OXR1: variants seen among roughly 807,000 people sequenced by gnomAD.
OXR1 encodes oxidation resistance protein 1.
OXR1 carries 41 observed loss-of-function variants against 104.6 expected under a neutral mutation model. The ratio of observed to expected loss-of-function variants is 0.39; its 90% CI spans 0.31 to 0.51. The LOEUF is 0.51. OXR1 is among the 20% of genes least tolerant of loss of function. The pLI is 0.77. For missense variants in OXR1, 955 were observed against 1,031.9 expected, an observed-to-expected ratio of 0.93 and a Z score of 1.02; for synonymous variants, 348 against 348.4, an observed-to-expected ratio of 1.00 and a Z score of 0.01.
chr8:106,550,601 C>A (rs1815726966), intron 3 of OXR1, among the ~76,000 whole-genome samples: 1 of 152,108 alleles, frequency 6.6e-6, no homozygotes, highest in South Asian at 2.1e-4. Flanking sequence ...CCATGCTGTT[C>A]TCATGATAGT....
At chr8:106,406,361 A>G (rs1046071291) in intron 2 of OXR1, among the ~76,000 whole-genome samples, 1 of 152,166 alleles carries the variant, frequency 6.6e-6, no homozygotes, top group Non-Finnish European at 1.5e-5. Context: ...TCATATATAT[A>G]TATAACTATG....
At chr8:106,556,491 C>T (rs1390089832) in intron 3 of OXR1, among the ~76,000 whole-genome samples, 1 of 152,094 alleles carries the variant, frequency 6.6e-6, no homozygotes, top group Non-Finnish European at 1.5e-5. Context: ...CCAAATGAAT[C>T]CTGCCTCTGC....
intron 2 of OXR1, among the ~76,000 whole-genome samples, chr8:106,419,016 A>C (rs1818794934): frequency 6.6e-6 from 1 of 152,202 alleles, no homozygotes; most frequent in Non-Finnish European, 1.5e-5. Context: ...TAGCACTATT[A>C]TCAGAAAAAT....
intron 3 of OXR1, among the ~76,000 whole-genome samples, chr8:106,658,918 A>G (rs552423013): frequency 6.6e-6 from 1 of 152,238 alleles, no homozygotes; most frequent in South Asian, 2.1e-4. Flanking sequence ...AGCATAATGC[A>G]TAGGGTAACT....
intron 1 of OXR1, among the ~76,000 whole-genome samples, chr8:106,283,974 A>G (rs35118498): frequency 0.016 from 2,490 of 152,040 alleles, 41 homozygotes; most frequent in Non-Finnish European, 0.026. Context: ...GTTGCATGAA[A>G]CTTTTTTTTT....
chr8:106,663,980 T>A (rs943060167), intron 3 of OXR1, among the ~76,000 whole-genome samples: 15 of 152,174 alleles, frequency 9.9e-5, no homozygotes, highest in African/African-American at 3.4e-4. Flanking sequence ...CTCACAGTGT[T>A]GGTAGAAGAT....
chr8:106,750,115 A>C (rs912157607), intron 16 of OXR1, among the ~76,000 whole-genome samples: 1 of 151,522 alleles, frequency 6.6e-6, no homozygotes, highest in South Asian at 2.1e-4. Flanking sequence ...AGTCATGTTA[A>C]ATATGTTAAA....
intron 2 of OXR1, among the ~76,000 whole-genome samples, chr8:106,475,779 G>A (rs906332663): frequency 2.6e-5 from 4 of 151,886 alleles, no homozygotes; most frequent in South Asian, 2.1e-4. Flanking sequence ...GCACTGGTTC[G>A]AAAGCACTCA....
rs1294776319 is a variant in OXR1, at chr8:106,591,124, C to A, written c.220+71985C>A. ...ATGCAGCCATAAAAAAGGATGAGTTCTTGTCCTTTGTAGGGACATGGATAA... is the reference window on the plus strand; with the variant it reads ...ATGCAGCCATAAAAAAGGATGAGTTATTGTCCTTTGTAGGGACATGGATAA... On this transcript the variant is annotated intron_variant, in intron 3 of 16. Coordinates refer to ENST00000517566, the MANE Select transcript of OXR1 (RefSeq NM_001198533.2). Among the ~76,000 whole-genome samples, 11 of 151,760 alleles carry A rather than the reference C, an allele frequency of 7.2e-5. 1 individual carries two copies. The East Asian group carries it at 1.9e-3, about 27-fold the overall frequency.
At chr8:106,473,197 C>G (rs1821611988) in intron 2 of OXR1, among the ~76,000 whole-genome samples, 1 of 151,714 alleles carries the variant, frequency 6.6e-6, no homozygotes, top group Admixed American at 6.6e-5. Context: ...TTTTTTTCAG[C>G]TCTAAGTCAG....
intron 2 of OXR1, among the ~76,000 whole-genome samples, chr8:106,497,383 A>G (rs183238647): frequency 6.6e-6 from 1 of 152,246 alleles, no homozygotes; most frequent in African/African-American, 2.4e-5. Context: ...CAGTTAATTC[A>G]TTTTTATCTA....
intron 11 of OXR1, among the ~76,000 whole-genome samples, chr8:106,737,198 T>C (rs1563760636): frequency 6.6e-6 from 1 of 152,164 alleles, no homozygotes; most frequent in Non-Finnish European, 1.5e-5. Flanking sequence ...TTATCTTTAA[T>C]GTTAGCAAAG....
chr8:106,469,772 G>A (rs546842027), intron 2 of OXR1, among the ~76,000 whole-genome samples: 10 of 151,910 alleles, frequency 6.6e-5, no homozygotes, highest in African/African-American at 1.7e-4. Context: ...TATATCTTAC[G>A]ATATGTTGGT....
intron 3 of OXR1, among the ~76,000 whole-genome samples, chr8:106,577,861 G>T (rs1817967953): frequency 6.6e-6 from 1 of 152,156 alleles, no homozygotes. Flanking sequence ...TGTAGTTCCT[G>T]TATCTCCTCT....
intron 3 of OXR1, among the ~76,000 whole-genome samples, chr8:106,607,333 A>G (rs1266057572): frequency 6.6e-6 from 1 of 152,204 alleles, no homozygotes; most frequent in Non-Finnish European, 1.5e-5. Flanking sequence ...ACCATTTTTG[A>G]CATAAGTTAT....
intron 2 of OXR1, among the ~76,000 whole-genome samples, chr8:106,386,911 G>A (rs935361276): frequency 1.3e-5 from 2 of 152,188 alleles, no homozygotes; most frequent in Admixed American, 6.6e-5. Flanking sequence ...GCTTTTTTAA[G>A]AAGATTAATA....
At chr8:106,594,884 G>A (rs547565785) in intron 3 of OXR1, among the ~76,000 whole-genome samples, 1 of 152,160 alleles carries the variant, frequency 6.6e-6, no homozygotes, top group Non-Finnish European at 1.5e-5. Flanking sequence ...AATTGGCAGG[G>A]GAATTGTTGG....
intron 2 of OXR1, 35 bp downstream of exon 2, chr8:106,359,671 G>GA: frequency 6.8e-7 from 1 of 1,463,606 alleles, no homozygotes; most frequent in Non-Finnish European, 9.4e-7. Flanking sequence ...AAATGTAAAT[G>GA]AAAATATATC....
At chr8:106,631,466 T>G (rs1208757387) in intron 3 of OXR1, among the ~76,000 whole-genome samples, 1 of 152,162 alleles carries the variant, frequency 6.6e-6, no homozygotes, top group Non-Finnish European at 1.5e-5. Flanking sequence ...ACCCTTCAAC[T>G]GTTTAAGCAA....
Sources: gnomAD v4.1 joint callset for allele counts (sites outside exome capture counted in the v4.1 genomes callset) on GRCh38, gnomAD v4.1.1 for gene constraint, MANE v1.5 for transcripts, NCBI Gene and HGNC (gene_info 2026-07-23, HGNC 2026-07-21) for gene names.